Variants in VTI1A observed in about 807,000 individuals in gnomAD.
The protein encoded by VTI1A is vesicle transport through interaction with t-SNAREs homolog 1A.
VTI1A carries 22 observed loss-of-function variants against 34.9 expected under a neutral mutation model. The ratio of observed to expected loss-of-function variants is 0.63; its 90% confidence interval spans 0.45 to 0.90. The LOEUF (loss-of-function observed/expected upper bound fraction) is 0.90. Among genes scored for constraint, VTI1A ranks in the 40% least tolerant of loss-of-function variants. VTI1A has a pLI of 0.00. For missense variants in VTI1A, 268 were observed against 275.6 expected (o/e 0.97, Z 0.20); for synonymous variants, 87 against 97.3 (o/e 0.89, Z 0.62).
chr10:112,773,399 T>C (rs1318005003), intron 7 of VTI1A, among the ~76,000 whole-genome samples: 2 of 152,208 alleles, frequency 1.3e-5, no homozygotes, highest in African/African-American at 2.4e-5. Flanking sequence ...GAACACTAAC[T>C]GAACTGCTGC....
chr10:112,680,069 A>T (rs1590061910), intron 7 of VTI1A, among the ~76,000 whole-genome samples: 1 of 152,338 alleles, frequency 6.6e-6, no homozygotes, highest in East Asian at 1.9e-4. Flanking sequence ...AACTGTGTCC[A>T]GTTTCGTAGC....
At chr10:112,851,584 C>A in the VTI1A span, among the ~76,000 whole-genome samples, 1 of 152,150 alleles carries the variant, frequency 6.6e-6, no homozygotes, top group Non-Finnish European at 1.5e-5. Context: ...TAAGGCTGGA[C>A]ATCAATTAGT....
chr10:112,706,216 A>G (rs943269111), intron 7 of VTI1A, among the ~76,000 whole-genome samples: 1 of 152,194 alleles, frequency 6.6e-6, no homozygotes, highest in Non-Finnish European at 1.5e-5. Context: ...TCCTGAGAAC[A>G]TGTCTTTTAG....
In VTI1A at chr10:112,496,517, AC is replaced by A. The variant is rs368358135; in HGVS notation, c.265-30568del. 1.6e-3 allele frequency among the ~76,000 whole-genome samples: 245 copies of A among 151,868 alleles called. 1 individual carries two copies. Among genetic ancestry groups the A allele is most frequent in the African/African-American group, 5.8e-3 (239 of 41,386 alleles). Reference sequence around the variant, plus strand: ...ACCTGGGAGGCAGAGGTTGCAGTGAACCGAGATCGGGCCACTGCACTCCTGC... The same window carrying A: ...ACCTGGGAGGCAGAGGTTGCAGTGAACGAGATCGGGCCACTGCACTCCTGC... On this transcript the variant is annotated intron_variant, in intron 3 of 7. Coordinates refer to ENST00000393077, the MANE Select transcript of VTI1A (RefSeq NM_145206.4).
intron 5 of VTI1A, among the ~76,000 whole-genome samples, chr10:112,601,863 G>A (rs982286134): frequency 6.6e-6 from 1 of 152,116 alleles, no homozygotes; most frequent in East Asian, 1.9e-4. Context: ...TCTGAAATTG[G>A]ATTTAGATTT....
At chr10:112,765,192 ATGTTTTGTTTTGTTT>A (rs72146474) in intron 7 of VTI1A, among the ~76,000 whole-genome samples, 10 of 151,660 alleles carry the variant, frequency 6.6e-5, no homozygotes, top group African/African-American at 1.9e-4. Context: ...ACTAGTTTGT[ATGTTTTGTTTTGTTT>A]TGTTTTGTTT....
rs1306631378 is a variant in VTI1A at position 112,767,788 on chromosome 10, T to A, written c.561-47502T>A. Among the ~76,000 whole-genome samples the A allele has an allele frequency of 1.3e-5, 2 of 152,226 alleles. No individual in the cohort carries two copies. The highest frequency in any genetic ancestry group is 2.9e-5 in the Non-Finnish European group (2 of 68,028). On this transcript the variant is annotated intron_variant, in intron 7 of 7. Coordinates refer to ENST00000393077, the MANE Select transcript of VTI1A (RefSeq NM_145206.4). The surrounding 1 kb of genome is among the most constrained non-coding windows in gnomAD (Gnocchi z 4.0). ...AGACCAATGGGACATGTAACTAACT[T>A]ATTTTAAACACAAACTTCATGTAAG...
rs192691591 is a variant in VTI1A at position 112,622,769 on chromosome 10, G to A, written c.428-45449G>A. ...CTTTCCAGTATTGGTTTAAAAATGC[G>A]AATTTAAAAATCTGAAGTACAAGTT... is the stretch of plus-strand genomic sequence containing the variant. On this transcript the variant is annotated intron_variant, in intron 5 of 7. Coordinates refer to ENST00000393077, the MANE Select transcript of VTI1A (RefSeq NM_145206.4). Among the ~76,000 whole-genome samples, 72 of 152,198 alleles carry A rather than the reference G, an allele frequency of 4.7e-4. No individual in the cohort carries two copies. The Middle Eastern group carries it at 0.01, about 22-fold the overall frequency.
intron 7 of VTI1A, among the ~76,000 whole-genome samples, chr10:112,698,221 A>C (rs1848864310): frequency 6.6e-6 from 1 of 152,206 alleles, no homozygotes; most frequent in African/African-American, 2.4e-5. Context: ...GCCAAATCCT[A>C]GCTGTGGGAA....
At chr10:112,534,750 T>C (rs921936083) in intron 4 of VTI1A, among the ~76,000 whole-genome samples, 1 of 152,176 alleles carries the variant, frequency 6.6e-6, no homozygotes, top group African/African-American at 2.4e-5. Flanking sequence ...TCAGTTGCAG[T>C]TTTGATGTAT....
chr10:112,687,218 A>AT (rs1564883856), intron 7 of VTI1A, among the ~76,000 whole-genome samples: 5 of 124,234 alleles, frequency 4.0e-5, no homozygotes, highest in African/African-American at 1.6e-4. Context: ...GCATACTACA[A>AT]CTTTTTTTTT....
At chr10:112,549,986 T>C (rs1290007321) in intron 5 of VTI1A, among the ~76,000 whole-genome samples, 1 of 152,178 alleles carries the variant, frequency 6.6e-6, no homozygotes, top group Non-Finnish European at 1.5e-5. Context: ...TCCATGGTGG[T>C]AAGAAAAGAA....
intron 5 of VTI1A, among the ~76,000 whole-genome samples, chr10:112,662,823 C>A (rs193172931): frequency 6.6e-6 from 1 of 152,112 alleles, no homozygotes; most frequent in East Asian, 1.9e-4. Flanking sequence ...TAGAAGGAGC[C>A]GATTCTCCCA....
intron 5 of VTI1A, among the ~76,000 whole-genome samples, chr10:112,546,542 A>G (rs542751773): frequency 1.1e-4 from 16 of 152,318 alleles, no homozygotes; most frequent in African/African-American, 3.6e-4. Flanking sequence ...TACCTCAGGA[A>G]CATGTGAGTA....
chr10:112,639,473 ACAT>A lies in VTI1A; in HGVS notation c.428-28738_428-28736del, dbSNP rs1407764503. On this transcript the variant is annotated intron_variant, in intron 5 of 7. Coordinates refer to ENST00000393077, the MANE Select transcript of VTI1A (RefSeq NM_145206.4). ...TGTTTGTATTTCTCTCCTCATGTTA[ACAT>A]CATCATTTTGGCATACTCAGACCTA... Among the ~76,000 whole-genome samples, 2 of 152,184 alleles carry A rather than the reference ACAT, an allele frequency of 1.3e-5. 1 individual carries two copies. The highest frequency in any genetic ancestry group is 3.8e-4 in the East Asian group (2 of 5,196).
At chr10:112,487,063 A>G (rs1848663144) in intron 3 of VTI1A, among the ~76,000 whole-genome samples, 1 of 152,168 alleles carries the variant, frequency 6.6e-6, no homozygotes, top group Non-Finnish European at 1.5e-5. Context: ...TTGTGTAGGC[A>G]TATATATCTT....
At chr10:112,784,162 T>G (rs754456545) in intron 7 of VTI1A, among the ~76,000 whole-genome samples, 1 of 152,246 alleles carries the variant, frequency 6.6e-6, no homozygotes, top group African/African-American at 2.4e-5. Flanking sequence ...TGCCTTGTAC[T>G]TTATAACGTT....
At chr10:112,729,872 A>G (rs779656796) in intron 7 of VTI1A, among the ~76,000 whole-genome samples, 2 of 152,222 alleles carry the variant, frequency 1.3e-5, no homozygotes, top group Non-Finnish European at 2.9e-5. Context: ...GGCAAGTGTC[A>G]TGTCTTGTGA....
At chr10:112,829,540 C>G in the VTI1A span, among the ~76,000 whole-genome samples, 2 of 151,918 alleles carry the variant, frequency 1.3e-5, no homozygotes, top group African/African-American at 4.8e-5. Context: ...TGCTTGAAAT[C>G]AGGAGTTTGA....
Sources: allele counts gnomAD v4.1 joint callset (sites outside exome capture counted in the v4.1 genomes callset), GRCh38; gene constraint gnomAD v4.1.1; non-coding constraint Gnocchi (gnomAD v3.1); transcripts MANE v1.5; gene names NCBI Gene and HGNC (gene_info 2026-07-23, HGNC 2026-07-21).